The following FARP1 variants were observed in gnomAD, a reference collection of about 807,000 sequenced individuals.
FARP1 encodes FERM, ARH/RhoGEF and pleckstrin domain protein 1, also known as FERM, ARHGEF and pleckstrin domain-containing protein 1.
A neutral mutation model predicts 128.8 loss-of-function variants in FARP1; 52 were observed. The observed-to-expected ratio is 0.40, with a 90% CI of 0.32 to 0.51. The LOEUF is 0.51. FARP1 is among the 20% of genes least tolerant of loss of function. The pLI, the probability that FARP1 is intolerant of heterozygous loss-of-function variation, is 0.45. For missense variants in FARP1, 1,333 were observed against 1,367.9 expected, an observed-to-expected ratio of 0.97 and a Z score of 0.40; for synonymous variants, 580 against 551.8, an observed-to-expected ratio of 1.05 and a Z score of -0.72.
chr13:98,170,389 C>T (rs1442105123), intron 1 of FARP1, among the ~76,000 whole-genome samples: 1 of 152,046 alleles, frequency 6.6e-6, no homozygotes, highest in Non-Finnish European at 1.5e-5. Flanking sequence ...CAGAGTCTTG[C>T]TCTGTCACCC....
chr13:98,306,976 A>G (rs1406605987), intron 2 of FARP1, among the ~76,000 whole-genome samples: 2 of 151,334 alleles, frequency 1.3e-5, no homozygotes, highest in African/African-American at 2.4e-5. Context: ...CCAGAAACCT[A>G]TTATTGTCCC....
At chr13:98,239,709 G>A (rs1350725162) in intron 2 of FARP1, among the ~76,000 whole-genome samples, 2 of 152,110 alleles carry the variant, frequency 1.3e-5, no homozygotes, top group African/African-American at 4.8e-5. Flanking sequence ...CCACTGAGTG[G>A]CGGGTGGCAT....
chr13:98,445,339 G>T (rs895849911), intron 24 of FARP1: 1 of 152,278 alleles, frequency 6.6e-6, no homozygotes, highest in African/African-American at 2.4e-5. Context: ...TTGGCAAAGG[G>T]ACGAAATGAG....
intron 1 of FARP1, among the ~76,000 whole-genome samples, chr13:98,166,197 A>C (rs1255582655): frequency 6.6e-6 from 1 of 152,080 alleles, no homozygotes; most frequent in African/African-American, 2.4e-5. Flanking sequence ...AATCTGTAAA[A>C]TTTTCCCTGT....
intron 2 of FARP1, among the ~76,000 whole-genome samples, chr13:98,237,817 T>G (rs1182631462): frequency 1.3e-5 from 2 of 152,182 alleles, no homozygotes; most frequent in African/African-American, 4.8e-5. Flanking sequence ...GAATCTAGCA[T>G]AAGGACCATT....
At chr13:98,291,866 C>CA (rs1236887732) in intron 2 of FARP1, among the ~76,000 whole-genome samples, 1 of 152,218 alleles carries the variant, frequency 6.6e-6, no homozygotes, top group Non-Finnish European at 1.5e-5. Flanking sequence ...CACCATCTGG[C>CA]CCAATTCCCC....
At chr13:98,215,576 G>T (rs531870060) in intron 2 of FARP1, among the ~76,000 whole-genome samples, 14 of 152,302 alleles carry the variant, frequency 9.2e-5, no homozygotes, top group African/African-American at 3.4e-4. Flanking sequence ...AGCAATTCTT[G>T]ACATGTAGTA....
chr13:98,448,306 CT>C lies in FARP1; in HGVS notation c.3129del (p.Val1044CysfsTer29). 6.2e-7 allele frequency: 1 copy of C among 1,612,940 alleles called. No individual in the cohort carries two copies. Among genetic ancestry groups the C allele is most frequent in the Non-Finnish European group, 8.5e-7 (1 of 1,178,890 alleles). ...RPHVLSHKES[L>X]VY ...CCACGTGTTGAGTCACAAAGAGTCT[CT>C]TGTGTATTGATGGCCGGACACACTC... On this transcript the variant is annotated frameshift_variant, in exon 27 of 27. Coordinates refer to ENST00000319562, the MANE Select transcript of FARP1 (RefSeq NM_005766.4). LOFTEE classifies it high-confidence loss of function.
At chr13:98,373,423 A>G (rs1278463420) in intron 5 of FARP1, among the ~76,000 whole-genome samples, 1 of 152,164 alleles carries the variant, frequency 6.6e-6, no homozygotes, top group African/African-American at 2.4e-5. Flanking sequence ...CTCAAAAGAC[A>G]GTGACTATAA....
chr13:98,447,858 A>C, intron 26 of FARP1: 1 of 214,412 alleles, frequency 4.7e-6, no homozygotes, highest in African/African-American at 2.3e-5. Context: ...AAAAAAAGAA[A>C]AAGAAAAAAG....
intron 2 of FARP1, among the ~76,000 whole-genome samples, chr13:98,317,559 A>G (rs1184983253): frequency 2.0e-5 from 3 of 152,230 alleles, no homozygotes; most frequent in Admixed American, 6.5e-5. Flanking sequence ...CCAGCTGAAA[A>G]GGTGATTGGT....
chr13:98,310,700 G>C (rs1886420764), intron 2 of FARP1, among the ~76,000 whole-genome samples: 1 of 152,058 alleles, frequency 6.6e-6, no homozygotes, highest in Admixed American at 6.6e-5. Flanking sequence ...GGTGGTGGGT[G>C]GTGTGGGCCA....
chr13:98,267,706 T>A (rs930806715), intron 2 of FARP1, among the ~76,000 whole-genome samples: 1 of 152,252 alleles, frequency 6.6e-6, no homozygotes, highest in Non-Finnish European at 1.5e-5. Context: ...CCCCTCACCC[T>A]GCAGGCGCAG....
intron 2 of FARP1, among the ~76,000 whole-genome samples, chr13:98,313,728 G>A (rs1198920521): frequency 2.6e-5 from 4 of 152,084 alleles, no homozygotes; most frequent in South Asian, 2.1e-4. Flanking sequence ...TGAGTCTATC[G>A]TCATTCCTTT....
At chr13:98,358,284 C>G (rs1888722262) in intron 3 of FARP1, among the ~76,000 whole-genome samples, 1 of 152,040 alleles carries the variant, frequency 6.6e-6, no homozygotes, top group Non-Finnish European at 1.5e-5. Context: ...TACACCAGAG[C>G]CTGGAAACTC....
At chr13:98,406,331 C>G (rs1308754604) in intron 13 of FARP1, 1 of 152,168 alleles carries the variant, frequency 6.6e-6, no homozygotes, top group Admixed American at 6.5e-5. Context: ...GAGAAGGGGC[C>G]TCTTCTCCAC....
At chr13:98,236,591 A>G (rs1334550269) in intron 2 of FARP1, among the ~76,000 whole-genome samples, 7 of 152,044 alleles carry the variant, frequency 4.6e-5, no homozygotes, top group Non-Finnish European at 1.0e-4. Flanking sequence ...CATAGCCAAG[A>G]AATAAAAAAA....
At chr13:98,413,035 G>C (rs1891249694) in intron 16 of FARP1, among the ~76,000 whole-genome samples, 1 of 152,130 alleles carries the variant, frequency 6.6e-6, no homozygotes, top group African/African-American at 2.4e-5. Context: ...CCCAGACTGT[G>C]GCATTCAAGC....
At chr13:98,266,876 C>T (rs1263807000) in intron 2 of FARP1, among the ~76,000 whole-genome samples, 13 of 151,576 alleles carry the variant, frequency 8.6e-5, no homozygotes, top group South Asian at 2.1e-4. Flanking sequence ...TAGCCGGGTG[C>T]GGTGGTGCAC....
Sources: gnomAD v4.1 joint callset for allele counts (sites outside exome capture counted in the v4.1 genomes callset) on GRCh38, gnomAD v4.1.1 for gene constraint, MANE v1.5 for transcripts, NCBI Gene and HGNC (gene_info 2026-07-23, HGNC 2026-07-21) for gene names.